WDPCP: variants seen among roughly 807,000 people sequenced by gnomAD.
The protein encoded by WDPCP is WD repeat-containing and planar cell polarity effector protein fritz homolog.
Under a neutral mutation model 93.1 loss-of-function variants are expected in WDPCP, and 71 were observed. The observed-to-expected ratio is 0.76, with a 90% CI of 0.63 to 0.93. The LOEUF is 0.93. WDPCP is among the 40% of genes least tolerant of loss of function. The pLI, the probability that WDPCP is intolerant of heterozygous loss-of-function variation, is 0.00. For synonymous variants in WDPCP, 315 were observed against 315.0 expected (o/e 1.00, Z 0.00); for missense variants, 844 against 887.4 (o/e 0.95, Z 0.62).
chr2:63,202,631 G>A (rs754261423), intron 14 of WDPCP, among the ~76,000 whole-genome samples: 11 of 152,194 alleles, frequency 7.2e-5, no homozygotes, highest in Admixed American at 2.6e-4. Flanking sequence ...AATGAAAGCT[G>A]TTGCTGTGTT....
At chr2:63,166,811 CATTT>C (rs964680892) in intron 15 of WDPCP, among the ~76,000 whole-genome samples, 80 of 152,250 alleles carry the variant, frequency 5.3e-4, no homozygotes, top group African/African-American at 1.7e-3. Context: ...CAATTATACT[CATTT>C]ATTTATTTTT....
intron 14 of WDPCP, among the ~76,000 whole-genome samples, chr2:63,210,862 C>T (rs1004853408): frequency 6.6e-6 from 1 of 152,222 alleles, no homozygotes; most frequent in Non-Finnish European, 1.5e-5. Flanking sequence ...TCACTGCTAG[C>T]ACAGCAGTCT....
chr2:63,488,827 T>C (rs1196781933), intron 2 of WDPCP, among the ~76,000 whole-genome samples: 1 of 151,898 alleles, frequency 6.6e-6, no homozygotes, highest in African/African-American at 2.4e-5. Flanking sequence ...ATGAAGATCA[T>C]AAAGAATCCT....
intron 14 of WDPCP, among the ~76,000 whole-genome samples, chr2:63,181,078 G>A (rs959707012): frequency 2.0e-5 from 3 of 151,942 alleles, no homozygotes; most frequent in Admixed American, 2.0e-4. Context: ...TTGTTGTTGA[G>A]TTGTTTGAGT....
chr2:63,626,788 A>G (rs1709815115), intron 3 of WDPCP, among the ~76,000 whole-genome samples: 1 of 152,152 alleles, frequency 6.6e-6, no homozygotes, highest in Admixed American at 6.5e-5. Context: ...AGGATCTAGA[A>G]CCAGAAATAC....
chr2:63,731,133 G>C (rs1045129698), intron 2 of WDPCP, among the ~76,000 whole-genome samples: 1 of 152,068 alleles, frequency 6.6e-6, no homozygotes, highest in Non-Finnish European at 1.5e-5. Context: ...GCTGGGTGTG[G>C]TGTCACGTGC....
chr2:63,310,176 T>G (rs1051573768), intron 13 of WDPCP, among the ~76,000 whole-genome samples: 5 of 152,204 alleles, frequency 3.3e-5, no homozygotes, highest in Admixed American at 6.6e-5. Flanking sequence ...CATTTGATAC[T>G]TAAAGCACAC....
intron 13 of WDPCP, among the ~76,000 whole-genome samples, chr2:63,304,134 G>A (rs1685542580): frequency 6.6e-6 from 1 of 152,108 alleles, no homozygotes; most frequent in Admixed American, 6.5e-5. Flanking sequence ...TCCCACAACT[G>A]GGCATCTACC....
intron 10 of WDPCP, among the ~76,000 whole-genome samples, chr2:63,389,426 T>C (rs998629537): frequency 7.9e-5 from 12 of 152,116 alleles, no homozygotes; most frequent in African/African-American, 2.9e-4. Flanking sequence ...GAACAACTGG[T>C]ACCAGCCACT....
chr2:63,547,279 G>A (rs918738200), intron 1 of WDPCP, among the ~76,000 whole-genome samples: 12 of 151,956 alleles, frequency 7.9e-5, no homozygotes, highest in Non-Finnish European at 1.8e-4. Flanking sequence ...TAGACAAAAA[G>A]GAGAGTAGGC....
At chr2:63,464,562 T>C (rs182067579) in intron 6 of WDPCP, among the ~76,000 whole-genome samples, 106 of 151,882 alleles carry the variant, frequency 7.0e-4, no homozygotes, top group African/African-American at 2.4e-3. Flanking sequence ...GAAAGCGGGG[T>C]CTTGAAGAGA....
chr2:63,270,418 T>TC (rs1252779016), intron 13 of WDPCP, among the ~76,000 whole-genome samples: 9 of 152,094 alleles, frequency 5.9e-5, no homozygotes, highest in East Asian at 3.9e-4. Context: ...CTGGACTATT[T>TC]AATTTTTTTT....
intron 10 of WDPCP, among the ~76,000 whole-genome samples, chr2:63,392,596 G>A (rs2105038028): frequency 6.6e-6 from 1 of 152,282 alleles, no homozygotes; most frequent in East Asian, 1.9e-4. Flanking sequence ...AGAGTGAACA[G>A]GCAACCTACA....
At chr2:63,259,446 A>G in intron 13 of WDPCP, 37 bp from the exon 14 acceptor site, 4 of 1,535,164 alleles carry the variant, frequency 2.6e-6, no homozygotes, top group Non-Finnish European at 3.6e-6. Flanking sequence ...TTGATTCAAA[A>G]TGAACCTTGC....
chr2:63,797,485 C>A (rs903665551), intron 2 of WDPCP, among the ~76,000 whole-genome samples: 3 of 151,920 alleles, frequency 2.0e-5, no homozygotes, highest in African/African-American at 4.8e-5. Flanking sequence ...CCAGGCCTGG[C>A]AGCATTCACC....
intron 14 of WDPCP, among the ~76,000 whole-genome samples, chr2:63,182,872 C>T (rs577494227): frequency 4.1e-5 from 6 of 145,852 alleles, no homozygotes; most frequent in East Asian, 2.0e-4. Context: ...TGTTCAATCT[C>T]GGGTGGTTTT....
At chr2:63,665,697 T>C (rs1487092816) in intron 2 of WDPCP, among the ~76,000 whole-genome samples, 4 of 152,034 alleles carry the variant, frequency 2.6e-5, no homozygotes, top group Non-Finnish European at 5.9e-5. Context: ...AACTAGGAGG[T>C]GGCTGGAGAT....
At chr2:63,810,350 C>G (rs1470806736) in intron 2 of WDPCP, among the ~76,000 whole-genome samples, 4 of 152,132 alleles carry the variant, frequency 2.6e-5, no homozygotes, top group Admixed American at 2.6e-4. Flanking sequence ...TTCAAGTTTT[C>G]TAAAAAGATA....
At chr2:63,313,881 TA>T (rs1227463997) in intron 12 of WDPCP, among the ~76,000 whole-genome samples, 27 of 79,094 alleles carry the variant, frequency 3.4e-4, no homozygotes, top group Non-Finnish European at 5.3e-4. Context: ...TATATATATA[TA>T]TATATTTTTT....
Sources: allele counts gnomAD v4.1 joint callset (sites outside exome capture counted in the v4.1 genomes callset), GRCh38; gene constraint gnomAD v4.1.1; transcripts MANE v1.5; gene names NCBI Gene and HGNC (gene_info 2026-07-23, HGNC 2026-07-21).